The following SORCS2 variants were observed in gnomAD, a reference collection of about 807,000 sequenced individuals.
SORCS2 encodes sortilin related VPS10 domain containing receptor 2.
SORCS2 carries 100 observed loss-of-function variants against 141.6 expected under a neutral mutation model. The observed-to-expected ratio is 0.71, with a 90% CI of 0.60 to 0.83. The LOEUF (loss-of-function observed/expected upper bound fraction) is 0.83, where lower values mean the gene tolerates loss of function less well. Ranked by LOEUF, SORCS2 falls within the 40% of genes least tolerant of loss-of-function variation. The probability of loss-of-function intolerance (pLI) is 0.00; values close to 1 mark genes in which losing one functional copy is unlikely to be tolerated. For synonymous variants in SORCS2, 789 were observed against 676.9 expected (o/e 1.17, Z -2.57); for missense variants, 1,646 against 1,560.2 (o/e 1.05, Z -0.93).
Position 7,723,888 on chromosome 4 carries a change from GTT to G in SORCS2, c.2611+7_2611+8del, listed in dbSNP as rs892332448. ...TGCTCTTTGTCCAGGTCAACTGTAAGTTTATTGCCCCTTTGAGGCCAAAGGTC... is the reference window on the plus strand; with the variant it reads ...TGCTCTTTGTCCAGGTCAACTGTAAGTATTGCCCCTTTGAGGCCAAAGGTC... On this transcript the variant is annotated splice_donor_region_variant and intron_variant, in intron 19 of 26. Transcript: ENST00000507866. 4 of 1,596,624 alleles carry G rather than the reference GTT, an allele frequency of 2.5e-6. No homozygotes were observed. The highest frequency in any genetic ancestry group is 1.3e-5 in the African/African-American group (1 of 74,572).
rs57129546 is a variant in SORCS2, at chr4:7,678,507, C to T, written c.1341+2278C>T. 1.7e-4 allele frequency among the ~76,000 whole-genome samples: 23 copies of T among 137,384 alleles called. No individual in the cohort carries two copies. The East Asian group carries it at 1.9e-3, about 11-fold the overall frequency. 90.1% of individuals were successfully genotyped at this position (137,384 alleles called of 152,430 possible). A position where few individuals can be genotyped will look rare whatever the true frequency, so the allele number is the denominator to read the frequency against. ...GTGTGGCCATAGGTGGGTTTCTTAACCTCTCTGTGCTTCCTGGAGACACAG... is the reference window on the plus strand; with the variant it reads ...GTGTGGCCATAGGTGGGTTTCTTAATCTCTCTGTGCTTCCTGGAGACACAG... On this transcript the variant is annotated intron_variant, in intron 9 of 26. Transcript: ENST00000507866.
intron 3 of SORCS2, among the ~76,000 whole-genome samples, chr4:7,596,322 CAA>C (rs1469478440): frequency 1.3e-5 from 2 of 152,148 alleles, no homozygotes; most frequent in African/African-American, 2.4e-5. Context: ...CTCCCCTCTG[CAA>C]AGAGAGCTTC....
intron 5 of SORCS2, among the ~76,000 whole-genome samples, chr4:7,659,436 G>A (rs544984972): frequency 2.1e-4 from 32 of 152,124 alleles, no homozygotes; most frequent in Non-Finnish European, 3.2e-4. Flanking sequence ...CTTCTGTCCC[G>A]TCTCAGGCCT....
Position 7,725,140 on chromosome 4 carries a change from T to C in SORCS2, c.2612-14T>C, listed in dbSNP as rs1727122441. 2 of 1,611,308 alleles carry C rather than the reference T, an allele frequency of 1.2e-6. No individual in the cohort carries two copies. Among genetic ancestry groups the C allele is most frequent in the Non-Finnish European group, 1.7e-6 (2 of 1,178,630 alleles). The stretch of plus-strand genomic sequence containing the variant: ...CTGATATCATCTAACCCTGGCCTTT[T>C]TGGGTCCCCACAGCCCCCCTGCAGG... On this transcript the variant is annotated splice_polypyrimidine_tract_variant and intron_variant, in intron 19 of 26. Transcript: ENST00000507866.
rs576710891 is a variant in SORCS2, at chr4:7,459,316, C to G, written c.548+62961C>G. On this transcript the variant is annotated intron_variant, in intron 2 of 26. Transcript: ENST00000507866. The stretch of plus-strand genomic sequence containing the variant: ...ATGGAGAAGGCATCTCTCCCAACCC[C>G]AAGCATATGGCAGGCCTTGTACTAG... Among the ~76,000 whole-genome samples the G allele has an allele frequency of 2.6e-5, 4 of 152,286 alleles. 1 individual carries two copies. In the South Asian group the frequency reaches 8.3e-4, roughly 32 times the overall value.
chr4:7,519,203 G>C (rs1733172548), intron 2 of SORCS2, among the ~76,000 whole-genome samples: 1 of 152,166 alleles, frequency 6.6e-6, no homozygotes, highest in African/African-American at 2.4e-5. Flanking sequence ...AGCATGACCA[G>C]GGAGCTTCCA....
chr4:7,270,310 G>A (rs1436311818), intron 1 of SORCS2, among the ~76,000 whole-genome samples: 10 of 152,268 alleles, frequency 6.6e-5, no homozygotes, highest in Admixed American at 2.0e-4. Flanking sequence ...AGTGTGCTGC[G>A]TTCCAGAAAT....
chr4:7,331,150 G>C (rs909542456), intron 1 of SORCS2, among the ~76,000 whole-genome samples: 3 of 152,166 alleles, frequency 2.0e-5, no homozygotes, highest in African/African-American at 7.2e-5. Context: ...CTGGTGAGGA[G>C]GAGGCTGTGT....
intron 2 of SORCS2, among the ~76,000 whole-genome samples, chr4:7,410,949 C>CTTTTTTTTTT (rs5855962): frequency 5.4e-5 from 4 of 73,842 alleles, no homozygotes; most frequent in African/African-American, 1.0e-4. Context: ...TCTCTCCATC[C>CTTTTTTTTTT]TTTTTTTTTT....
At chr4:7,641,982 G>A (rs892091001) in intron 4 of SORCS2, among the ~76,000 whole-genome samples, 1 of 151,530 alleles carries the variant, frequency 6.6e-6, no homozygotes, top group African/African-American at 2.4e-5. Context: ...GTGGATGGTG[G>A]ATGGATGAAT....
intron 2 of SORCS2, among the ~76,000 whole-genome samples, chr4:7,458,715 C>T (rs1296941349): frequency 2.0e-5 from 3 of 152,172 alleles, no homozygotes; most frequent in Non-Finnish European, 4.4e-5. Context: ...GACAAGGTCC[C>T]AGCCAGGAGG....
intron 2 of SORCS2, among the ~76,000 whole-genome samples, chr4:7,527,083 C>T (rs1390589970): frequency 6.6e-6 from 1 of 152,194 alleles, no homozygotes; most frequent in African/African-American, 2.4e-5. Flanking sequence ...CGGGTCCAGC[C>T]CTCTCTGTGG....
At chr4:7,386,633 A>G (rs1442164386) in intron 1 of SORCS2, among the ~76,000 whole-genome samples, 1 of 151,292 alleles carries the variant, frequency 6.6e-6, no homozygotes, top group African/African-American at 2.4e-5. Context: ...ACATGAACAC[A>G]TGCACACACA....
At chr4:7,289,321 G>A (rs906264560) in intron 1 of SORCS2, among the ~76,000 whole-genome samples, 5 of 152,126 alleles carry the variant, frequency 3.3e-5, no homozygotes, top group African/African-American at 4.8e-5. Flanking sequence ...CCTCCTCCAG[G>A]AAGCCTTCCT....
At chr4:7,716,937 A>G (rs190441586) in intron 17 of SORCS2, among the ~76,000 whole-genome samples, 5 of 152,374 alleles carry the variant, frequency 3.3e-5, no homozygotes, top group East Asian at 1.9e-4. Context: ...GGGCCTGTGC[A>G]TGATCAACTT....
chr4:7,718,440 CAGA>C (rs543898708), intron 18 of SORCS2, among the ~76,000 whole-genome samples: 4 of 152,056 alleles, frequency 2.6e-5, no homozygotes, highest in African/African-American at 4.8e-5. Flanking sequence ...CCCCGCAGAG[CAGA>C]AGGAGACGTG....
intron 1 of SORCS2, among the ~76,000 whole-genome samples, chr4:7,341,145 C>A (rs1034282656): frequency 2.0e-5 from 3 of 152,234 alleles, no homozygotes; most frequent in Non-Finnish European, 4.4e-5. Context: ...GTAGGTCTGG[C>A]CCGAGGTCTG....
intron 2 of SORCS2, among the ~76,000 whole-genome samples, chr4:7,490,394 G>A (rs1473070608): frequency 2.0e-5 from 3 of 152,134 alleles, no homozygotes; most frequent in Non-Finnish European, 2.9e-5. Context: ...GGGAAGGGCA[G>A]AGCTGAGGAC....
intron 3 of SORCS2, among the ~76,000 whole-genome samples, chr4:7,555,709 G>A (rs963351568): frequency 2.0e-5 from 3 of 152,218 alleles, no homozygotes; most frequent in Admixed American, 6.5e-5. Context: ...GAAAAGGCAC[G>A]GGTTTAAAAG....
Sources: allele counts gnomAD v4.1 joint callset (sites outside exome capture counted in the v4.1 genomes callset), GRCh38; gene constraint gnomAD v4.1.1; transcripts MANE v1.5; gene names NCBI Gene and HGNC (gene_info 2026-07-23, HGNC 2026-07-21).